Variants in KMO observed in about 807,000 individuals in gnomAD.
KMO encodes kynurenine 3-monooxygenase.
In KMO, 24 loss-of-function variants were observed where a neutral mutation model predicts 57.8. That is an observed-to-expected ratio of 0.42 (90% CI 0.30 to 0.58). KMO has a LOEUF of 0.58. Ranked by LOEUF, KMO falls within the 20% of genes least tolerant of loss-of-function variation. The probability of loss-of-function intolerance (pLI) is 0.22; values close to 1 mark genes in which losing one functional copy is unlikely to be tolerated. For synonymous variants in KMO, 210 were observed against 193.6 expected, an observed-to-expected ratio of 1.08 and a Z score of -0.70; for missense variants, 483 against 588.2, an observed-to-expected ratio of 0.82 and a Z score of 1.85.
intron 3 of KMO, 153 bp downstream of exon 3, chr1:241,549,927 G>A: frequency 1.7e-6 from 1 of 594,048 alleles, no homozygotes; most frequent in African/African-American, 1.9e-5. Flanking sequence ...TCGAAATTTG[G>A]CAAGAGGGTG....
In KMO at chr1:241,562,894, GGAA is replaced by G. The variant is rs1558421330; in HGVS notation, c.615+564_615+566del. ...AGGAAGGAAGGAAGGAAGGAAGGAAGGAAGGAAGGAAGGAAGGAAGGAAAGAAG... is the reference window on the plus strand; with the variant it reads ...AGGAAGGAAGGAAGGAAGGAAGGAAGGGAAGGAAGGAAGGAAGGAAAGAAG... On this transcript the variant is annotated intron_variant, in intron 7 of 14. Coordinates refer to ENST00000366559, the MANE Select transcript of KMO (RefSeq NM_003679.5). 1.2e-4 allele frequency among the ~76,000 whole-genome samples: 10 copies of G among 84,598 alleles called. No individual in the cohort carries two copies. The South Asian group carries it at 2.2e-3, about 19-fold the overall frequency. 55.5% of individuals were successfully genotyped at this position (84,598 alleles called of 152,430 possible).
intron 7 of KMO, among the ~76,000 whole-genome samples, chr1:241,562,924 AAG>A (rs1258406474): frequency 1.2e-3 from 61 of 51,452 alleles, no homozygotes; most frequent in South Asian, 3.1e-3. Flanking sequence ...GGAAAGAAGG[AAG>A]GAAGGAAGGA....
rs377029484 is a variant in KMO, at chr1:241,549,246, A to T, written c.124+348A>T. Among the ~76,000 whole-genome samples, 73 of 19,590 alleles carry T rather than the reference A, an allele frequency of 3.7e-3. 3 individuals are homozygous for T. The highest frequency in any genetic ancestry group is 0.021 in the South Asian group (5 of 234). The allele number at this position is 19,590 out of a possible 152,430, so 12.9% of individuals were successfully genotyped here. On this transcript the variant is annotated intron_variant, in intron 2 of 14. Coordinates refer to ENST00000366559, the MANE Select transcript of KMO (RefSeq NM_003679.5). Reference sequence around the variant, plus strand: ...GAAAGAAAGAAAGAAAGAAAGAAAGAAAGAAAGAAAGAAAGAAAGAAAGGA... The same window carrying T: ...GAAAGAAAGAAAGAAAGAAAGAAAGTAAGAAAGAAAGAAAGAAAGAAAGGA...
chr1:241,569,273 A>G (rs1263007129), intron 10 of KMO, among the ~76,000 whole-genome samples: 1 of 151,146 alleles, frequency 6.6e-6, no homozygotes, highest in African/African-American at 2.4e-5. Context: ...TATTCATTCT[A>G]TCTAACTATT....
chr1:241,581,141 C>T (rs1388664848), intron 10 of KMO, among the ~76,000 whole-genome samples: 1 of 152,064 alleles, frequency 6.6e-6, no homozygotes, highest in African/African-American at 2.4e-5. Context: ...ATAAGTATAG[C>T]AACTCCTGCT....
intron 1 of KMO, among the ~76,000 whole-genome samples, chr1:241,540,797 T>C (rs1379602451): frequency 1.3e-5 from 2 of 152,086 alleles, no homozygotes; most frequent in Non-Finnish European, 2.9e-5. Flanking sequence ...GGCATGATGG[T>C]TCATGCCTAT....
intron 7 of KMO, among the ~76,000 whole-genome samples, chr1:241,563,696 A>G (rs1661967612): frequency 6.6e-6 from 1 of 152,214 alleles, no homozygotes; most frequent in Admixed American, 6.5e-5. Context: ...TTCTAGGTAT[A>G]CATAATAAAT....
intron 9 of KMO, among the ~76,000 whole-genome samples, chr1:241,567,933 A>G (rs952188818): frequency 6.6e-6 from 1 of 152,136 alleles, no homozygotes; most frequent in Non-Finnish European, 1.5e-5. Flanking sequence ...TACAAATATT[A>G]GGGTTTTTGT....
intron 4 of KMO, among the ~76,000 whole-genome samples, chr1:241,552,122 A>C (rs12079041): frequency 0.11 from 16,876 of 151,962 alleles, 1,276 homozygotes; most frequent in African/African-American, 0.22. Flanking sequence ...GGACTTGGAG[A>C]TGACACCATC....
At chr1:241,586,918 A>G (rs2147983856) in intron 11 of KMO, among the ~76,000 whole-genome samples, 182 bp downstream of exon 11, 1 of 152,282 alleles carries the variant, frequency 6.6e-6, no homozygotes, top group Admixed American at 6.5e-5. Flanking sequence ...TAACACCCAG[A>G]AAAAGAAACA....
In KMO at chr1:241,562,911, GAAGGAA is replaced by G. The variant is rs1661921965; in HGVS notation, c.615+581_615+586del. On this transcript the variant is annotated intron_variant, in intron 7 of 14. Transcript: ENST00000366559. ...GGAAGGAAGGAAGGAAGGAAGGAAG[GAAGGAA>G]AGAAGGAAGGAAGGAAGGAAGGAGA... is the stretch of plus-strand genomic sequence containing the variant. Among the ~76,000 whole-genome samples the G allele has an allele frequency of 2.8e-4, 8 of 28,900 alleles. No individual in the cohort carries two copies. The South Asian group carries it at 3.5e-3, about 13-fold the overall frequency. The allele number at this position is 28,900 out of a possible 152,430, so 19.0% of individuals were successfully genotyped here.
intron 5 of KMO, 118 bp downstream of exon 5, chr1:241,555,778 A>G: frequency 1.6e-6 from 1 of 609,934 alleles, no homozygotes; most frequent in Non-Finnish European, 2.9e-6. Flanking sequence ...GAAGAGCAAG[A>G]CTATGTACAC....
chr1:241,586,443 G>T (rs116829586), intron 10 of KMO: 1 of 422,956 alleles, frequency 2.4e-6, no homozygotes, highest in African/African-American at 2.0e-5. Context: ...CAAGCGATCC[G>T]CTCACCTCGG....
At chr1:241,586,970 T>A (rs192153490) in intron 11 of KMO, among the ~76,000 whole-genome samples, 1 of 152,280 alleles carries the variant, frequency 6.6e-6, no homozygotes, top group African/African-American at 2.4e-5. Flanking sequence ...CATGAAGTGA[T>A]TCACTCAGAG....
chr1:241,565,080 A>C, intron 8 of KMO, 22 bp downstream of exon 8: 2 of 1,403,674 alleles, frequency 1.4e-6, no homozygotes, highest in South Asian at 1.2e-5. Context: ...TTTTTTATCA[A>C]CTGTAATTTT....
intron 1 of KMO, among the ~76,000 whole-genome samples, chr1:241,533,676 A>G (rs1295067562): frequency 6.6e-6 from 1 of 152,222 alleles, no homozygotes; most frequent in Non-Finnish European, 1.5e-5. Flanking sequence ...TTTAGGTAGT[A>G]GGGATGCGAG....
chr1:241,536,588 A>G lies in KMO; in HGVS notation c.54+4090A>G, dbSNP rs1003908226. Reference sequence around the variant, plus strand: ...TGGTAAGAGGGCTATTAAGCATTCCAGTCTCAGCTGACTCCTGCTGTTGCA... The same window carrying G: ...TGGTAAGAGGGCTATTAAGCATTCCGGTCTCAGCTGACTCCTGCTGTTGCA... On this transcript the variant is annotated intron_variant, in intron 1 of 14. Transcript: ENST00000366559. 1.5e-5 allele frequency: 11 copies of G among 721,950 alleles called. No individual in the cohort carries two copies. In the African/African-American group the frequency reaches 1.7e-4, roughly 11 times the overall value. 44.7% of individuals were successfully genotyped at this position (721,950 alleles called of 1,614,324 possible).
chr1:241,557,669 A>G (rs1417763927), intron 5 of KMO, among the ~76,000 whole-genome samples: 2 of 152,190 alleles, frequency 1.3e-5, no homozygotes, highest in Non-Finnish European at 2.9e-5. Flanking sequence ...ATCTCAAGAA[A>G]GCAAATGAAC....
At chr1:241,558,564 A>G (rs983538347) in intron 5 of KMO, among the ~76,000 whole-genome samples, 1 of 152,226 alleles carries the variant, frequency 6.6e-6, no homozygotes, top group South Asian at 2.1e-4. Context: ...GTTAATAATT[A>G]TTAAGCCAAA....
Sources: gnomAD v4.1 joint callset for allele counts (sites outside exome capture counted in the v4.1 genomes callset) on GRCh38, gnomAD v4.1.1 for gene constraint, MANE v1.5 for transcripts, NCBI Gene and HGNC (gene_info 2026-07-23, HGNC 2026-07-21) for gene names.